Variants in TMC5 observed in about 807,000 individuals in gnomAD.
The protein encoded by TMC5 is transmembrane channel like 5.
Under a neutral mutation model 110.5 loss-of-function variants are expected in TMC5, and 86 were observed. That is an observed-to-expected ratio of 0.78 (90% CI 0.65 to 0.93). TMC5 has a LOEUF of 0.93. Among genes scored for constraint, TMC5 ranks in the 40% least tolerant of loss-of-function variants. The probability of loss-of-function intolerance (pLI) is 0.00; values close to 1 mark genes in which losing one functional copy is unlikely to be tolerated. For synonymous variants in TMC5, 455 were observed against 439.5 expected, an observed-to-expected ratio of 1.04 and a Z score of -0.44; for missense variants, 1,144 against 1,222.8, an observed-to-expected ratio of 0.94 and a Z score of 0.96.
chr16:19,448,709 T>C (rs983114848), intron 4 of TMC5, among the ~76,000 whole-genome samples: 6 of 145,962 alleles, frequency 4.1e-5, no homozygotes, highest in African/African-American at 1.5e-4. Flanking sequence ...TATATTTTAA[T>C]ATATTATATT....
At chr16:19,436,131 G>A (rs1218922379) in intron 2 of TMC5, among the ~76,000 whole-genome samples, 1 of 151,676 alleles carries the variant, frequency 6.6e-6, no homozygotes, top group Non-Finnish European at 1.5e-5. Flanking sequence ...GCATGGTGGC[G>A]GGCACCTGTA....
At chr16:19,469,653 C>G (rs998612484) in intron 9 of TMC5, 28 bp from the exon 10 acceptor site, 19 of 1,613,018 alleles carry the variant, frequency 1.2e-5, no homozygotes, top group Non-Finnish European at 1.4e-5. Context: ...TAATAACCTT[C>G]AGGTGTTCTG....
chr16:19,474,376 C>T (rs1379243898), intron 12 of TMC5, 100 bp downstream of exon 12: 5 of 1,365,956 alleles, frequency 3.7e-6, no homozygotes, highest in Non-Finnish European at 5.0e-6. Context: ...GTTTTTTCTC[C>T]AGAGAGGAAG....
At chr16:19,421,071 C>T (rs1334411447) in intron 1 of TMC5, among the ~76,000 whole-genome samples, 1 of 152,092 alleles carries the variant, frequency 6.6e-6, no homozygotes, top group African/African-American at 2.4e-5. Flanking sequence ...GTATGAGACT[C>T]ATGGACACCT....
At chr16:19,445,205 T>A (rs1967586944) in intron 4 of TMC5, among the ~76,000 whole-genome samples, 1 of 151,574 alleles carries the variant, frequency 6.6e-6, no homozygotes, top group African/African-American at 2.4e-5. Flanking sequence ...TCCTCATAAT[T>A]TGTTGTGTGT....
rs1179794349 is a variant in TMC5 at position 19,498,185 on chromosome 16, G to A, written c.*219G>A. The A allele has an allele frequency of 1.6e-5, 9 of 547,718 alleles. No individual in the cohort carries two copies. Among genetic ancestry groups the A allele is most frequent in the Middle Eastern group, 4.1e-4 (1 of 2,424 alleles). The allele number at this position is 547,718 out of a possible 1,614,324, so 33.9% of individuals were successfully genotyped here. ...CTGATTTTTCAAGACAAAATACTTG[G>A]GGTTTTCCAATAAAGATTGTTGTAA... On this transcript the variant is annotated 3_prime_UTR_variant, in exon 22 of 22. Coordinates refer to ENST00000542583, the MANE Select transcript of TMC5 (RefSeq NM_001261841.2).
At chr16:19,411,905 C>G (rs1438950460) in intron 1 of TMC5, among the ~76,000 whole-genome samples, 1 of 152,174 alleles carries the variant, frequency 6.6e-6, no homozygotes, top group African/African-American at 2.4e-5. Flanking sequence ...ATAAGTCACC[C>G]CATGTTACCT....
rs1334008968 is a variant in TMC5 at position 19,463,314 on chromosome 16, C to G, written c.1183C>G (p.His395Asp). 2 of 1,614,014 alleles carry G rather than the reference C, an allele frequency of 1.2e-6. No individual in the cohort carries two copies. The highest frequency in any genetic ancestry group is 1.7e-6 in the Non-Finnish European group (2 of 1,180,000). The change falls in exon 7 of 22, where the codon CAT becomes GAT. Residue 395 changes from histidine to aspartate, a missense_variant. Transcript: ENST00000542583. ...IVDKEKSKQT[H>D]RILQLNCCIQ... ...TGACAAAGAAAAAAGCAAACAGACC[C>G]ATCGTATCCTTCAGCTCAATTGCTG...
chr16:19,453,607 A>G (rs1967798237), intron 5 of TMC5, among the ~76,000 whole-genome samples: 2 of 151,302 alleles, frequency 1.3e-5, no homozygotes, highest in Admixed American at 6.6e-5. Flanking sequence ...AAAAAAGAAG[A>G]AAAAAGAAAA....
chr16:19,469,438 C>G (rs1968269046), intron 9 of TMC5, among the ~76,000 whole-genome samples: 1 of 152,078 alleles, frequency 6.6e-6, no homozygotes, highest in South Asian at 2.1e-4. Flanking sequence ...AGAATCAGAA[C>G]CATTCACAAG....
chr16:19,481,338 G>A (rs374189481), intron 14 of TMC5, 32 bp from the exon 15 acceptor site: 1 of 1,471,272 alleles, frequency 6.8e-7, no homozygotes, highest in African/African-American at 1.4e-5. Flanking sequence ...GGGAGTTATG[G>A]TTTGGGTACT....
chr16:19,491,145 G>A (rs926717036), intron 18 of TMC5, among the ~76,000 whole-genome samples: 2 of 152,046 alleles, frequency 1.3e-5, no homozygotes, highest in African/African-American at 4.8e-5. Context: ...AAGTAGCTGG[G>A]CTTGCAGGTG....
intron 5 of TMC5, among the ~76,000 whole-genome samples, chr16:19,458,948 G>A (rs1597188711): frequency 6.6e-6 from 1 of 152,114 alleles, no homozygotes; most frequent in Admixed American, 6.5e-5. Context: ...CCCGCCTGCT[G>A]GCTTCTTTGC....
intron 2 of TMC5, among the ~76,000 whole-genome samples, chr16:19,436,005 T>TA (rs1404056118): frequency 6.6e-6 from 1 of 152,164 alleles, no homozygotes; most frequent in East Asian, 1.9e-4. Flanking sequence ...CTCACGTCTG[T>TA]AATCCTAGCA....
At chr16:19,428,132 G>C (rs576971206) in intron 1 of TMC5, among the ~76,000 whole-genome samples, 5 of 152,148 alleles carry the variant, frequency 3.3e-5, no homozygotes, top group Non-Finnish European at 7.3e-5. Flanking sequence ...TGGTAAAAGA[G>C]GAGGAATCTT....
At chr16:19,448,862 T>TA (rs1967681845) in intron 4 of TMC5, among the ~76,000 whole-genome samples, 2 of 143,296 alleles carry the variant, frequency 1.4e-5, no homozygotes, top group Non-Finnish European at 3.0e-5. Flanking sequence ...TGTATTTTTT[T>TA]CTTTTTTTTT....
chr16:19,477,298 T>C lies in TMC5; in HGVS notation c.2091-142T>C. 4.6e-6 allele frequency: 3 copies of C among 649,822 alleles called. No homozygotes were observed. The South Asian group carries it at 5.0e-5, about 11-fold the overall frequency. 40.3% of individuals were successfully genotyped at this position (649,822 alleles called of 1,614,324 possible). On this transcript the variant is annotated intron_variant, in intron 12 of 21. Coordinates refer to ENST00000542583, the MANE Select transcript of TMC5 (RefSeq NM_001261841.2). The stretch of plus-strand genomic sequence containing the variant: ...ACACATTGCTTCTGTTCACAATTCA[T>C]TCACTGGAACTAGCCATGTGCCCCC...
chr16:19,481,622 C>A (rs1010145302), intron 15 of TMC5, among the ~76,000 whole-genome samples, 157 bp downstream of exon 15: 1 of 152,162 alleles, frequency 6.6e-6, no homozygotes, highest in Middle Eastern at 3.2e-3. Context: ...TTTAGACTAT[C>A]ATTTTCCTTT....
intron 15 of TMC5, among the ~76,000 whole-genome samples, chr16:19,482,083 G>A (rs993569209): frequency 5.9e-5 from 9 of 151,942 alleles, no homozygotes; most frequent in Admixed American, 1.3e-4. Flanking sequence ...TTTTTTAGAC[G>A]GAGTCTCCCT....
Sources: gnomAD v4.1 joint callset for allele counts (sites outside exome capture counted in the v4.1 genomes callset) on GRCh38, gnomAD v4.1.1 for gene constraint, MANE v1.5 for transcripts, NCBI Gene and HGNC (gene_info 2026-07-23, HGNC 2026-07-21) for gene names.